ATRNL1: variants seen among roughly 807,000 people sequenced by gnomAD.
ATRNL1 encodes attractin-like protein 1.
In ATRNL1, 95 loss-of-function variants were observed where a neutral mutation model predicts 182.7. The ratio of observed to expected loss-of-function variants is 0.52; its 90% confidence interval spans 0.44 to 0.62. ATRNL1 has a LOEUF of 0.62. Ranked by LOEUF, ATRNL1 falls within the 20% of genes least tolerant of loss-of-function variation. The pLI is 0.00. For missense variants in ATRNL1, 1,471 were observed against 1,679.5 expected (o/e 0.88, Z 2.17); for synonymous variants, 576 against 568.3 (o/e 1.01, Z -0.19).
chr10:115,226,691 A>G (rs1849711707), intron 9 of ATRNL1, among the ~76,000 whole-genome samples: 1 of 152,170 alleles, frequency 6.6e-6, no homozygotes, highest in Non-Finnish European at 1.5e-5. Flanking sequence ...CTATAAAGCT[A>G]CAGTAACCAA....
chr10:115,360,859 G>T (rs1856712883), intron 19 of ATRNL1, among the ~76,000 whole-genome samples: 1 of 151,676 alleles, frequency 6.6e-6, no homozygotes, highest in Non-Finnish European at 1.5e-5. Context: ...TTTGTGTATG[G>T]ATAGAATGTG....
chr10:115,122,579 C>G (rs1554872064), intron 3 of ATRNL1, among the ~76,000 whole-genome samples: 1 of 151,868 alleles, frequency 6.6e-6, no homozygotes, highest in Non-Finnish European at 1.5e-5. Flanking sequence ...TGGATAAAAG[C>G]TTATTGGTCC....
rs868994096 is a variant in ATRNL1 at position 115,818,201 on chromosome 10, T to C, written c.3904-29676T>C. 3.5e-4 allele frequency among the ~76,000 whole-genome samples: 38 copies of C among 109,894 alleles called. No individual in the cohort carries two copies. The East Asian group carries it at 7.0e-3, about 20-fold the overall frequency. 72.1% of individuals were successfully genotyped at this position (109,894 alleles called of 152,430 possible). A position where few individuals can be genotyped will look rare whatever the true frequency, so the allele number is the denominator to read the frequency against. On this transcript the variant is annotated intron_variant, in intron 27 of 28. Transcript: ENST00000355044. Reference sequence around the variant, plus strand: ...TTTGATTCCGTTTTTTTTTTTTTTTTGGACAGTCAGCCAATGCTTTACTCA... The same window carrying C: ...TTTGATTCCGTTTTTTTTTTTTTTTCGGACAGTCAGCCAATGCTTTACTCA...
At chr10:115,483,300 C>T (rs564081244) in intron 24 of ATRNL1, among the ~76,000 whole-genome samples, 2 of 151,450 alleles carry the variant, frequency 1.3e-5, no homozygotes, top group Admixed American at 1.3e-4. Flanking sequence ...TGTTCTCAAA[C>T]TTTCACGCTG....
intron 28 of ATRNL1, among the ~76,000 whole-genome samples, chr10:115,911,374 A>G (rs1482060905): frequency 1.3e-5 from 2 of 152,016 alleles, no homozygotes; most frequent in Admixed American, 6.6e-5. Context: ...CTGGAGGGCA[A>G]TGGTGCAATC....
chr10:115,579,644 T>C (rs554504844), intron 26 of ATRNL1, among the ~76,000 whole-genome samples: 27 of 152,068 alleles, frequency 1.8e-4, no homozygotes, highest in African/African-American at 6.5e-4. Flanking sequence ...TAGATGAATA[T>C]AGTTGAATCT....
chr10:115,257,144 G>A (rs1851181168), intron 10 of ATRNL1, among the ~76,000 whole-genome samples: 1 of 152,154 alleles, frequency 6.6e-6, no homozygotes, highest in Non-Finnish European at 1.5e-5. Context: ...ATGTCTTTTA[G>A]GTTTGCTTGT....
intron 9 of ATRNL1, among the ~76,000 whole-genome samples, chr10:115,217,011 A>G (rs1205865711): frequency 5.9e-5 from 9 of 152,102 alleles, no homozygotes; most frequent in Admixed American, 2.0e-4. Context: ...ACATTTTGCT[A>G]TGTTAGCAAG....
At chr10:115,336,395 A>G (rs1031691821) in intron 19 of ATRNL1, among the ~76,000 whole-genome samples, 5 of 152,170 alleles carry the variant, frequency 3.3e-5, no homozygotes, top group Non-Finnish European at 7.3e-5. Flanking sequence ...TTAATTTTAT[A>G]TTTCTAAAAA....
chr10:115,692,178 C>T (rs1320062674), intron 26 of ATRNL1, among the ~76,000 whole-genome samples: 1 of 152,104 alleles, frequency 6.6e-6, no homozygotes, highest in African/African-American at 2.4e-5. Context: ...CTATTTCCTC[C>T]AACTATAGTA....
chr10:115,340,476 C>CTTTTCTTTTT (rs1855698845), intron 19 of ATRNL1, among the ~76,000 whole-genome samples: 1 of 95,126 alleles, frequency 1.1e-5, no homozygotes, highest in Non-Finnish European at 2.0e-5. Context: ...CTTTTCTTTT[C>CTTTTCTTTTT]TTTTTTTTTT....
chr10:115,676,584 G>GTATATATATA lies in ATRNL1; in HGVS notation c.3796-50658_3796-50649dup, dbSNP rs143315406. Among the ~76,000 whole-genome samples, 464 of 150,220 alleles carry GTATATATATA rather than the reference G, an allele frequency of 3.1e-3. 2 individuals are homozygous for GTATATATATA. The highest frequency in any genetic ancestry group is 0.011 in the African/African-American group (438 of 41,056). On this transcript the variant is annotated intron_variant, in intron 26 of 28. Coordinates refer to ENST00000355044, the MANE Select transcript of ATRNL1 (RefSeq NM_207303.4). ...ATTATCTACAACTGTATCTGTATAT[G>GTATATATATA]TATATATATATATATTTATGATTCA...
chr10:115,854,964 G>T (rs1346073806), intron 28 of ATRNL1, among the ~76,000 whole-genome samples: 1 of 152,028 alleles, frequency 6.6e-6, no homozygotes, highest in Non-Finnish European at 1.5e-5. Flanking sequence ...ACTTTTCATT[G>T]CCTGTTGAAA....
At chr10:115,873,322 G>T (rs139191109) in intron 28 of ATRNL1, among the ~76,000 whole-genome samples, 12 of 152,270 alleles carry the variant, frequency 7.9e-5, no homozygotes, top group East Asian at 3.9e-4. Flanking sequence ...AGAGTCTCCT[G>T]GGAGTACTCT....
intron 19 of ATRNL1, among the ~76,000 whole-genome samples, chr10:115,373,346 C>G (rs879974032): frequency 6.6e-6 from 1 of 151,806 alleles, no homozygotes; most frequent in Admixed American, 6.6e-5. Flanking sequence ...ATTTGGATAG[C>G]TTTTATTTCT....
chr10:115,264,780 A>T (rs2133878681), intron 10 of ATRNL1, among the ~76,000 whole-genome samples: 1 of 151,792 alleles, frequency 6.6e-6, no homozygotes, highest in East Asian at 1.9e-4. Flanking sequence ...TGAACATTGT[A>T]TCTGCCATTG....
rs150357487 is a variant in ATRNL1 at position 115,241,683 on chromosome 10, G to A, written c.1645G>A (p.Gly549Ser). ...CCATAATGACACTTCCTTGAGTAAC[G>A]GTGCAAAATGTTTTTCTGCCGATTT... ...NTHNDTSLSNGAKCFSADFLA... is the reference protein window; with the variant it reads ...NTHNDTSLSNSAKCFSADFLA... The change falls in exon 10 of 29, where the codon GGT becomes AGT. Residue 549 changes from glycine to serine, a missense_variant. By Grantham distance (56) the Gly-to-Ser change is moderately conservative. This residue lies in a region of ATRNL1 where 1,031 missense variants were observed against 1,156.0 expected (regional missense o/e 0.89). Coordinates refer to ENST00000355044, the MANE Select transcript of ATRNL1 (RefSeq NM_207303.4). The A allele has an allele frequency of 5.6e-6, 9 of 1,610,634 alleles. No homozygotes were observed. Among genetic ancestry groups the A allele is most frequent in the South Asian group, 5.5e-5 (5 of 90,770 alleles).
chr10:115,749,755 G>T (rs782572437), intron 27 of ATRNL1, among the ~76,000 whole-genome samples: 1 of 151,812 alleles, frequency 6.6e-6, no homozygotes, highest in Admixed American at 6.6e-5. Flanking sequence ...TCTAAAAAGG[G>T]ATGAAATCAT....
chr10:115,535,276 A>G (rs1448723471), intron 25 of ATRNL1, among the ~76,000 whole-genome samples: 19 of 151,448 alleles, frequency 1.3e-4, no homozygotes, highest in South Asian at 4.2e-4. Context: ...TTTTCACATA[A>G]TCCCATATTT....
Sources: gnomAD v4.1 joint callset for allele counts (sites outside exome capture counted in the v4.1 genomes callset) on GRCh38, gnomAD v4.1.1 for gene constraint, gnomAD v4.1.1 regional missense constraint, MANE v1.5 for transcripts, NCBI Gene and HGNC (gene_info 2026-07-23, HGNC 2026-07-21) for gene names.